The following C19orf81 variants were observed in gnomAD, a reference collection of about 807,000 sequenced individuals.
C19orf81 encodes chromosome 19 open reading frame 81, also known as putative uncharacterized protein C19orf81.
A neutral mutation model predicts 22.1 loss-of-function variants in C19orf81; 19 were observed. The ratio of observed to expected loss-of-function variants is 0.86; its 90% confidence interval spans 0.60 to 1.26. The LOEUF (loss-of-function observed/expected upper bound fraction) is 1.26, where lower values mean the gene tolerates loss of function less well. Ranked by LOEUF, C19orf81 falls within the 50% of genes most tolerant of loss-of-function variation. The pLI is 0.00. For missense variants in C19orf81, 287 were observed against 280.7 expected (o/e 1.02, Z -0.16); for synonymous variants, 108 against 113.1 (o/e 0.95, Z 0.29).
At chr19:50,650,242 G>A (rs1184234465) in intron 1 of C19orf81, among the ~76,000 whole-genome samples, 1 of 152,102 alleles carries the variant, frequency 6.6e-6, no homozygotes, top group Non-Finnish European at 1.5e-5. Context: ...TCTGACCCCT[G>A]CTGACAACTT....
chr19:50,651,919 T>G (rs1984886077), intron 1 of C19orf81, among the ~76,000 whole-genome samples: 1 of 152,258 alleles, frequency 6.6e-6, no homozygotes, highest in African/African-American at 2.4e-5. Context: ...TTTTTTCACA[T>G]GCATCTTTGA....
At position 50,659,148 on chromosome 19, in the gene C19orf81, G is replaced by A. The variant is rs936544902; in HGVS notation, c.*6G>A. On this transcript the variant is annotated 3_prime_UTR_variant, in exon 5 of 5. Coordinates refer to ENST00000425202, the MANE Select transcript of C19orf81 (RefSeq NM_001195076.2). Reference sequence around the variant, plus strand: ...AGCCGAACGAGGAGGCCTGACGCCCGGGCGGGCCCCGGCAGCGCTTGCGCA... The same window carrying A: ...AGCCGAACGAGGAGGCCTGACGCCCAGGCGGGCCCCGGCAGCGCTTGCGCA... 8 of 1,326,740 alleles carry A rather than the reference G, an allele frequency of 6.0e-6. No homozygotes were observed. In the African/African-American group the frequency reaches 7.7e-5, roughly 13 times the overall value. The allele number at this position is 1,326,740 out of a possible 1,614,324, so 82.2% of individuals were successfully genotyped here. A position where few individuals can be genotyped will look rare whatever the true frequency, so the allele number is the denominator to read the frequency against.
intron 1 of C19orf81, among the ~76,000 whole-genome samples, chr19:50,654,613 CCCTTCCTT>C (rs200893812): frequency 6.7e-5 from 10 of 149,136 alleles, no homozygotes; most frequent in South Asian, 4.3e-4. Context: ...CTCCCTCCCT[CCCTTCCTT>C]CCTTCCTTCC....
chr19:50,658,112 G>T lies in C19orf81; in HGVS notation c.385G>T (p.Ala129Ser). The change falls in exon 4 of 5, where the codon GCT (alanine) becomes TCT (serine). Residue 129 changes from alanine (A) to serine (S), a missense_variant. Transcript: ENST00000425202. ...GAACATGAACGTCATCTGTGGGACTGCTGGGCGCCGGAACCGGTGAGTAAG... is the reference window on the plus strand; with the variant it reads ...GAACATGAACGTCATCTGTGGGACTTCTGGGCGCCGGAACCGGTGAGTAAG... ...FENMNVICGT[A>S]GRRNRWLIAV... 2 of 1,534,776 alleles carry T rather than the reference G, an allele frequency of 1.3e-6. No individual in the cohort carries two copies. The highest frequency in any genetic ancestry group is 1.7e-6 in the Non-Finnish European group (2 of 1,146,300).
At chr19:50,653,727 CACACACA>C (rs1466675129) in intron 1 of C19orf81, among the ~76,000 whole-genome samples, 4 of 149,802 alleles carry the variant, frequency 2.7e-5, no homozygotes, top group Non-Finnish European at 5.9e-5. Context: ...CACACACACA[CACACACA>C]CACACACGTT....
intron 1 of C19orf81, among the ~76,000 whole-genome samples, chr19:50,650,542 G>A (rs1984854268): frequency 2.6e-5 from 4 of 152,118 alleles, no homozygotes; most frequent in Admixed American, 1.3e-4. Flanking sequence ...GTGGTGCCGG[G>A]TGCCTGTAAT....
intron 1 of C19orf81, among the ~76,000 whole-genome samples, chr19:50,653,952 C>T (rs112738251): frequency 5.3e-5 from 8 of 151,802 alleles, no homozygotes; most frequent in Non-Finnish European, 8.8e-5. Flanking sequence ...AAGCAGCCGT[C>T]GGCTCTGAGC....
chr19:50,653,694 A>G (rs1036992353), intron 1 of C19orf81, among the ~76,000 whole-genome samples: 15 of 107,444 alleles, frequency 1.4e-4, no homozygotes, highest in African/African-American at 8.8e-4. Context: ...ACACACACAC[A>G]CACACACACA....
At chr19:50,652,862 T>C (rs1302854664) in intron 1 of C19orf81, among the ~76,000 whole-genome samples, 1 of 151,998 alleles carries the variant, frequency 6.6e-6, no homozygotes, top group Admixed American at 6.6e-5. Flanking sequence ...CTGGGGAGAT[T>C]GAGAACACGC....
At chr19:50,650,056 C>T (rs902949855) in intron 1 of C19orf81, among the ~76,000 whole-genome samples, 1 of 152,178 alleles carries the variant, frequency 6.6e-6, no homozygotes, top group Admixed American at 6.5e-5. Flanking sequence ...CCTCTCCTCA[C>T]CTCCTCCCTG....
intron 1 of C19orf81, among the ~76,000 whole-genome samples, chr19:50,655,509 C>T (rs573108207): frequency 2.0e-5 from 3 of 151,940 alleles, no homozygotes; most frequent in Non-Finnish European, 4.4e-5. Context: ...ATTAGCTGGG[C>T]GTGGTAGCGG....
intron 1 of C19orf81, among the ~76,000 whole-genome samples, chr19:50,650,690 C>G (rs542830071): frequency 2.0e-5 from 3 of 152,280 alleles, no homozygotes; most frequent in South Asian, 2.1e-4. Flanking sequence ...AACAAACAAA[C>G]AAACAAACAA....
chr19:50,653,185 G>A (rs905352354), intron 1 of C19orf81, among the ~76,000 whole-genome samples: 2 of 151,916 alleles, frequency 1.3e-5, no homozygotes, highest in East Asian at 1.9e-4. Context: ...CTACAGGTGC[G>A]CGCTACCATG....
chr19:50,658,697 G>A, intron 4 of C19orf81: 2 of 392,428 alleles, frequency 5.1e-6, no homozygotes, highest in East Asian at 7.6e-5. Context: ...GGAGGGTCGG[G>A]CCTTTGGGCG....
chr19:50,653,540 TG>T (rs2123039421), intron 1 of C19orf81, among the ~76,000 whole-genome samples: 1 of 152,100 alleles, frequency 6.6e-6, no homozygotes, highest in East Asian at 1.9e-4. Flanking sequence ...CCAGTAGGTC[TG>T]GGGGTGGGCC....
chr19:50,651,055 T>G (rs1467523443), intron 1 of C19orf81, among the ~76,000 whole-genome samples: 1 of 152,244 alleles, frequency 6.6e-6, no homozygotes, highest in Non-Finnish European at 1.5e-5. Flanking sequence ...TTGATCAGGT[T>G]GCAAACTTCA....
chr19:50,659,023 CACCA>C lies in C19orf81; in HGVS notation c.479_482del (p.His160ArgfsTer83). The C allele has an allele frequency of 6.5e-7, 1 of 1,529,582 alleles. No individual in the cohort carries two copies. Among genetic ancestry groups the C allele is most frequent in the Non-Finnish European group, 8.7e-7 (1 of 1,143,416 alleles). 94.8% of individuals were successfully genotyped at this position (1,529,582 alleles called of 1,614,324 possible). A position where few individuals can be genotyped will look rare whatever the true frequency, so the allele number is the denominator to read the frequency against. On this transcript the variant is annotated frameshift_variant, in exon 5 of 5. Transcript: ENST00000425202. LOFTEE classifies it high-confidence loss of function. ...CGGGCTCAGTCCCCGCGGGCTTGCG[CACCA>C]GATCGTGCGCCACGACGACCTCCTG...
intron 1 of C19orf81, among the ~76,000 whole-genome samples, chr19:50,655,723 T>C (rs530392798): frequency 6.6e-6 from 1 of 151,670 alleles, no homozygotes; most frequent in African/African-American, 2.4e-5. Flanking sequence ...AGTGAAGAAG[T>C]AAGCCTGGGG....
At chr19:50,656,011 A>G in intron 1 of C19orf81, 39 bp from the exon 2 acceptor site, 1 of 1,528,394 alleles carries the variant, frequency 6.5e-7, no homozygotes, top group Non-Finnish European at 8.8e-7. Context: ...ATGGCTGAGG[A>G]GGGCTCAGGG....
Sources: gnomAD v4.1 joint callset for allele counts (sites outside exome capture counted in the v4.1 genomes callset) on GRCh38, gnomAD v4.1.1 for gene constraint, MANE v1.5 for transcripts, NCBI Gene and HGNC (gene_info 2026-07-23, HGNC 2026-07-21) for gene names.